Variants in RESF1 observed in about 807,000 individuals in gnomAD.
RESF1 encodes the protein retroelement silencing factor 1.
RESF1 carries 65 observed loss-of-function variants against 134.7 expected under a neutral mutation model. The ratio of observed to expected loss-of-function variants is 0.48; its 90% CI spans 0.40 to 0.59. The LOEUF is 0.59. RESF1 is among the 20% of genes least tolerant of loss of function. The pLI is 0.00. For synonymous variants in RESF1, 762 were observed against 702.2 expected (o/e 1.09, Z -1.35); for missense variants, 2,274 against 2,002.7 (o/e 1.14, Z -2.59).
intron 5 of RESF1, among the ~76,000 whole-genome samples, chr12:31,989,207 TAACACGGTGA>T (rs1051700851): frequency 1.3e-5 from 2 of 148,504 alleles, no homozygotes; most frequent in African/African-American, 4.9e-5. Context: ...CCATCCTGGC[TAACACGGTGA>T]AACCCTGTCT....
chr12:31,982,824 T>C lies in RESF1; in HGVS notation c.1869T>C (p.Thr623=), dbSNP rs1939839179. 6.2e-7 allele frequency: 1 copy of C among 1,614,006 alleles called. No individual in the cohort carries two copies. Among genetic ancestry groups the C allele is most frequent in the Admixed American group, 1.7e-5 (1 of 59,992 alleles). Residue 623 remains threonine (T), a synonymous_variant, in exon 4 of 6, where the codon ACT becomes ACC. Transcript: ENST00000312561. ...AAATGAATCCAAATACCCAAATGAC[T>C]GGTAACCAACTGAATTTGAAGAACA... ...SCEMNPNTQM[T]GNQLNLKNME...
At chr12:31,989,632 G>A (rs536835559) in intron 5 of RESF1, among the ~76,000 whole-genome samples, 29 of 152,008 alleles carry the variant, frequency 1.9e-4, no homozygotes, top group Admixed American at 8.5e-4. Context: ...CAGGCAGATC[G>A]CCTGAGGTCA....
chr12:31,976,479 T>G (rs1421828300), intron 3 of RESF1, among the ~76,000 whole-genome samples: 1 of 151,906 alleles, frequency 6.6e-6, no homozygotes, highest in Non-Finnish European at 1.5e-5. Flanking sequence ...AGGTCAGGAG[T>G]TCGAGACCAG....
chr12:31,965,971 G>A (rs775386214), intron 2 of RESF1, among the ~76,000 whole-genome samples: 16 of 151,318 alleles, frequency 1.1e-4, no homozygotes, highest in African/African-American at 3.1e-4. Context: ...GTTTGTACCC[G>A]CCTGCCACAC....
intron 5 of RESF1, among the ~76,000 whole-genome samples, chr12:31,991,771 G>T (rs1020205266): frequency 3.3e-5 from 5 of 152,290 alleles, no homozygotes; most frequent in African/African-American, 1.2e-4. Flanking sequence ...GGCTGGTCTT[G>T]AACTGGCTTC....
In RESF1 at chr12:31,985,579, G is replaced by A; in HGVS notation, c.4624G>A (p.Gly1542Arg). Residue 1542 changes from glycine to arginine, a missense_variant, in exon 4 of 6, where the codon GGG becomes AGG. By Grantham distance (125) the Gly-to-Arg change is moderately radical (BLOSUM62 -2). Coordinates refer to ENST00000312561, the MANE Select transcript of RESF1 (RefSeq NM_018169.4). Reference protein sequence around the residue: ...ILRNVKEKVGGKQPDKIWIDK... With the variant: ...ILRNVKEKVGRKQPDKIWIDK... ...AAGGAATGTTAAAGAAAAAGTTGGTGGGAAGCAGCCTGATAAAATATGGAT... is the reference window on the plus strand; with the variant it reads ...AAGGAATGTTAAAGAAAAAGTTGGTAGGAAGCAGCCTGATAAAATATGGAT... The A allele has an allele frequency of 6.3e-7, 1 of 1,599,360 alleles. No homozygotes were observed. The highest frequency in any genetic ancestry group is 8.5e-7 in the Non-Finnish European group (1 of 1,175,854).
Position 31,985,299 on chromosome 12 carries a change from G to A in RESF1, c.4344G>A (p.Glu1448=). Reference sequence around the variant, plus strand: ...TTAGTAGAATTCTAACTCCTAAGGAGTATTTACAAAGGCAGAAGCATAAAG... The same window carrying A: ...TTAGTAGAATTCTAACTCCTAAGGAATATTTACAAAGGCAGAAGCATAAAG... ...SKFSRILTPK[E]YLQRQKHKEA... The change falls in exon 4 of 6, where the codon GAG becomes GAA. Residue 1448 remains glutamate (E), a synonymous_variant. Coordinates refer to ENST00000312561, the MANE Select transcript of RESF1 (RefSeq NM_018169.4). The A allele has an allele frequency of 6.2e-7, 1 of 1,613,212 alleles. No homozygotes were observed. Among genetic ancestry groups the A allele is most frequent in the Non-Finnish European group, 8.5e-7 (1 of 1,179,846 alleles).
intron 3 of RESF1, among the ~76,000 whole-genome samples, chr12:31,977,894 C>G (rs1263386663): frequency 6.6e-6 from 1 of 151,406 alleles, no homozygotes; most frequent in Non-Finnish European, 1.5e-5. Flanking sequence ...CAACCTCCAC[C>G]TCCCAGGCTC....
intron 3 of RESF1, among the ~76,000 whole-genome samples, chr12:31,970,691 C>T (rs1939486709): frequency 6.6e-6 from 1 of 152,222 alleles, no homozygotes; most frequent in African/African-American, 2.4e-5. Flanking sequence ...CTGATTAATG[C>T]ATAACCTAAC....
Position 31,982,572 on chromosome 12 carries a change from G to T in RESF1, c.1617G>T (p.Leu539Phe), listed in dbSNP as rs903641538. ...CTGTTGAGATGACCCAGGCAGTATT[G>T]AATACTCAGCTTTCATCAGAAAATG... is the stretch of plus-strand genomic sequence containing the variant. ...TSAVEMTQAVLNTQLSSENVT... is the reference protein window; with the variant it reads ...TSAVEMTQAVFNTQLSSENVT... The change falls in exon 4 of 6, where the codon TTG (leucine) becomes TTT (phenylalanine). Residue 539 changes from leucine (L) to phenylalanine (F), a missense_variant. Transcript: ENST00000312561. 1.2e-6 allele frequency: 2 copies of T among 1,613,836 alleles called. No homozygotes were observed. Among genetic ancestry groups the T allele is most frequent in the Non-Finnish European group, 1.7e-6 (2 of 1,180,016 alleles).
chr12:31,967,884 T>G (rs968006649), intron 2 of RESF1, among the ~76,000 whole-genome samples: 1 of 152,170 alleles, frequency 6.6e-6, no homozygotes, highest in Non-Finnish European at 1.5e-5. Flanking sequence ...GTCATACCAT[T>G]GTATTGTGGT....
At chr12:31,974,369 G>A (rs769070987) in intron 3 of RESF1, among the ~76,000 whole-genome samples, 2 of 151,974 alleles carry the variant, frequency 1.3e-5, no homozygotes, top group Admixed American at 6.6e-5. Context: ...CTTATCGTGG[G>A]CTACTATGAC....
chr12:31,975,833 A>C (rs1939620198), intron 3 of RESF1, among the ~76,000 whole-genome samples: 1 of 152,216 alleles, frequency 6.6e-6, no homozygotes. Context: ...GTGTTTCATT[A>C]ATATGAATAC....
intron 3 of RESF1, among the ~76,000 whole-genome samples, chr12:31,975,092 G>A (rs1939600092): frequency 6.6e-6 from 1 of 151,774 alleles, no homozygotes; most frequent in Non-Finnish European, 1.5e-5. Context: ...GGCCAACATG[G>A]TGAAACCCCA....
intron 5 of RESF1, among the ~76,000 whole-genome samples, chr12:31,989,417 A>G (rs988182541): frequency 9.1e-5 from 13 of 143,458 alleles, no homozygotes; most frequent in Admixed American, 1.4e-4. Context: ...AAAAAAAAAT[A>G]GGCAAAGAGG....
Position 31,983,120 on chromosome 12 carries a change from A to G in RESF1, c.2165A>G (p.Asn722Ser). Reference protein sequence around the residue: ...HVKSPCSVVGNSNSQNKISNP... With the variant: ...HVKSPCSVVGSSNSQNKISNP... ...AAGAGTCCTTGTTCAGTTGTGGGAA[A>G]TTCAAATTCTCAGAATAAAATAAGT... The change falls in exon 4 of 6, where the codon AAT (asparagine) becomes AGT (serine). Residue 722 changes from asparagine to serine, a missense_variant. Asn to Ser is a conservative substitution (Grantham distance 46). Transcript: ENST00000312561. The G allele has an allele frequency of 6.2e-7, 1 of 1,610,998 alleles. No homozygotes were observed. Among genetic ancestry groups the G allele is most frequent in the Non-Finnish European group, 8.5e-7 (1 of 1,178,994 alleles).
At chr12:31,974,596 C>T (rs867408158) in intron 3 of RESF1, among the ~76,000 whole-genome samples, 2 of 152,098 alleles carry the variant, frequency 1.3e-5, no homozygotes, top group South Asian at 2.1e-4. Context: ...ATTAGAGCCC[C>T]ACTCTAATGA....
chr12:31,962,817 G>A (rs1421591124), intron 2 of RESF1, among the ~76,000 whole-genome samples: 3 of 152,234 alleles, frequency 2.0e-5, no homozygotes, highest in Non-Finnish European at 4.4e-5. Context: ...ATGGATCAGG[G>A]TCGGGTGCGG....
At chr12:31,986,808 G>C (rs1017996933) in intron 4 of RESF1, among the ~76,000 whole-genome samples, 6 of 152,162 alleles carry the variant, frequency 3.9e-5, no homozygotes, top group Admixed American at 2.0e-4. Context: ...TAAAACAATA[G>C]CATAAACAGG....
Sources: allele counts gnomAD v4.1 joint callset (sites outside exome capture counted in the v4.1 genomes callset), GRCh38; gene constraint gnomAD v4.1.1; transcripts MANE v1.5; gene names NCBI Gene and HGNC (gene_info 2026-07-23, HGNC 2026-07-21).